The following SLC9B1 variants were observed in gnomAD, a reference collection of about 807,000 sequenced individuals.
SLC9B1 encodes solute carrier family 9 member B1, also known as sodium/hydrogen exchanger 9B1.
A neutral mutation model predicts 51.7 loss-of-function variants in SLC9B1; 32 were observed. The observed-to-expected ratio is 0.62, with a 90% confidence interval of 0.47 to 0.83. SLC9B1 has a LOEUF of 0.83. SLC9B1 is among the 40% of genes least tolerant of loss of function. SLC9B1 has a pLI of 0.00. For synonymous variants in SLC9B1, 145 were observed against 212.7 expected, an observed-to-expected ratio of 0.68 and a Z score of 2.77; for missense variants, 406 against 613.2, an observed-to-expected ratio of 0.66 and a Z score of 3.57.
At chr4:102,922,775 C>T (rs1302463679) in intron 7 of SLC9B1, among the ~76,000 whole-genome samples, 3 of 152,184 alleles carry the variant, frequency 2.0e-5, no homozygotes, top group Non-Finnish European at 4.4e-5. Flanking sequence ...ATACTATAAA[C>T]ACCTCTATGC....
intron 11 of SLC9B1, chr4:102,887,390 A>G: frequency 1.6e-6 from 2 of 1,247,024 alleles, no homozygotes; most frequent in Non-Finnish European, 2.4e-6. Flanking sequence ...TTGACAGGAG[A>G]TAATGTGGGT....
At chr4:102,945,347 A>G in intron 5 of SLC9B1, 27 bp from the exon 6 acceptor site, 1 of 1,529,630 alleles carries the variant, frequency 6.5e-7, no homozygotes, top group Non-Finnish European at 8.8e-7. Flanking sequence ...TCACACTTAG[A>G]TACATTTACA....
intron 7 of SLC9B1, among the ~76,000 whole-genome samples, chr4:102,915,106 A>T (rs953923052): frequency 4.0e-5 from 6 of 149,304 alleles, no homozygotes; most frequent in African/African-American, 1.5e-4. Flanking sequence ...GCTGAAAGAA[A>T]AAAAAAAAAC....
At chr4:102,937,985 C>T (rs1441761539) in intron 6 of SLC9B1, among the ~76,000 whole-genome samples, 1 of 152,024 alleles carries the variant, frequency 6.6e-6, no homozygotes, top group African/African-American at 2.4e-5. Flanking sequence ...GCATAATAAC[C>T]AGCTAACAAC....
intron 7 of SLC9B1, among the ~76,000 whole-genome samples, chr4:102,920,214 G>A (rs1490081818): frequency 2.0e-5 from 3 of 152,106 alleles, no homozygotes; most frequent in Non-Finnish European, 2.9e-5. Flanking sequence ...GGAAGGATCG[G>A]GCAGCAATAT....
At chr4:102,960,955 C>G (rs1383458753) in intron 3 of SLC9B1, among the ~76,000 whole-genome samples, 1 of 152,074 alleles carries the variant, frequency 6.6e-6, no homozygotes, top group Admixed American at 6.5e-5. Context: ...TGCTCTTGAA[C>G]TCCCGACCTC....
At chr4:102,972,764 G>T (rs903709116) in intron 3 of SLC9B1, among the ~76,000 whole-genome samples, 18 of 152,102 alleles carry the variant, frequency 1.2e-4, no homozygotes, top group African/African-American at 4.1e-4. Context: ...AATAAATTTT[G>T]TGGTCTGTAT....
chr4:102,926,988 A>C (rs1195728054), intron 7 of SLC9B1, among the ~76,000 whole-genome samples: 4 of 152,232 alleles, frequency 2.6e-5, no homozygotes, highest in Non-Finnish European at 5.9e-5. Flanking sequence ...TGAGAAAAAC[A>C]AGAAATGGGG....
At chr4:102,977,494 G>T (rs1297610898) in intron 3 of SLC9B1, among the ~76,000 whole-genome samples, 1 of 152,170 alleles carries the variant, frequency 6.6e-6, no homozygotes, top group African/African-American at 2.4e-5. Context: ...CTGGCAAACA[G>T]AACCTTATAG....
chr4:102,887,263 C>T lies in SLC9B1; in HGVS notation c.1333-1935G>A, dbSNP rs1733975921. The T allele has an allele frequency of 3.4e-6, 3 of 881,488 alleles. 1 individual carries two copies. In the African/African-American group the frequency reaches 5.0e-5, roughly 15 times the overall value. 54.6% of individuals were successfully genotyped at this position (881,488 alleles called of 1,614,324 possible). A position where few individuals can be genotyped will look rare whatever the true frequency, so the allele number is the denominator to read the frequency against. On this transcript the variant is annotated intron_variant, in intron 11 of 11. Transcript: ENST00000394789. ...TTTTAGCAAGTGATATGCTTTCTTT[C>T]TGAGAGCATTTCACAAATGTTTCTA...
At chr4:103,010,332 G>T (rs575414074) in intron 1 of SLC9B1, among the ~76,000 whole-genome samples, 1 of 152,246 alleles carries the variant, frequency 6.6e-6, no homozygotes, top group East Asian at 1.9e-4. Flanking sequence ...AAGGGTAAGG[G>T]ACGCAAATGG....
At chr4:102,965,324 A>G in intron 3 of SLC9B1, among the ~76,000 whole-genome samples, 1 of 152,182 alleles carries the variant, frequency 6.6e-6, no homozygotes, top group Non-Finnish European at 1.5e-5. Context: ...TTAGTAGTGC[A>G]TCACAACATG....
rs765709645 is a variant in SLC9B1, at chr4:102,951,960, CTTT to C, written c.212-2536_212-2534del. On this transcript the variant is annotated intron_variant, in intron 3 of 11. Coordinates refer to ENST00000296422, the MANE Select transcript of SLC9B1 (RefSeq NM_139173.4). ...AGACTACCAAAGGCAAAAATAAAAT[CTTT>C]TTTTTTTTTTTTTTTTTATTATACT... 1.1e-3 allele frequency among the ~76,000 whole-genome samples: 7 copies of C among 6,554 alleles called. 1 individual carries two copies. The highest frequency in any genetic ancestry group is 0.016 in the East Asian group (1 of 64). 4.3% of individuals were successfully genotyped at this position (6,554 alleles called of 152,430 possible).
chr4:102,913,450 C>T (rs375371883), intron 7 of SLC9B1, among the ~76,000 whole-genome samples: 1 of 152,152 alleles, frequency 6.6e-6, no homozygotes, highest in African/African-American at 2.4e-5. Flanking sequence ...CTGCTAGAAC[C>T]TATAGCCATG....
At chr4:102,949,979 T>C (rs1737466777) in intron 3 of SLC9B1, among the ~76,000 whole-genome samples, 1 of 151,418 alleles carries the variant, frequency 6.6e-6, no homozygotes, top group African/African-American at 2.4e-5. Flanking sequence ...AATAAAAAAA[T>C]AAAAAAAACC....
intron 7 of SLC9B1, among the ~76,000 whole-genome samples, chr4:102,920,047 T>C (rs1427594825): frequency 6.6e-6 from 1 of 152,238 alleles, no homozygotes; most frequent in Non-Finnish European, 1.5e-5. Context: ...AAGAGAGCAG[T>C]GGTTTTCCCA....
chr4:102,899,980 A>G (rs1484142122), downstream of SLC9B1, among the ~76,000 whole-genome samples: 2 of 152,188 alleles, frequency 1.3e-5, no homozygotes, highest in East Asian at 1.9e-4. Flanking sequence ...TCGGTGATAT[A>G]TTCTGTAAAA....
intron 7 of SLC9B1, among the ~76,000 whole-genome samples, chr4:102,931,330 GA>G (rs1366935209): frequency 6.6e-6 from 1 of 151,200 alleles, no homozygotes; most frequent in Non-Finnish European, 1.5e-5. Context: ...AAAGGGAAAG[GA>G]AGAAGGGAAG....
chr4:102,950,512 C>T (rs1026108200), intron 3 of SLC9B1, among the ~76,000 whole-genome samples: 33 of 152,300 alleles, frequency 2.2e-4, no homozygotes, highest in African/African-American at 7.9e-4. Flanking sequence ...TTTTAATATT[C>T]TTAAAACAGT....
Sources: gnomAD v4.1 joint callset for allele counts (sites outside exome capture counted in the v4.1 genomes callset) on GRCh38, gnomAD v4.1.1 for gene constraint, MANE v1.5 for transcripts, NCBI Gene and HGNC (gene_info 2026-07-23, HGNC 2026-07-21) for gene names.